ECM1: variants seen among roughly 807,000 people sequenced by gnomAD.
ECM1 encodes extracellular matrix protein 1.
ECM1 carries 54 observed loss-of-function variants against 57.9 expected under a neutral mutation model. That is an observed-to-expected ratio of 0.93 (90% CI 0.75 to 1.17). The LOEUF is 1.17. Ranked by LOEUF, ECM1 falls within the 50% of genes most tolerant of loss-of-function variation. The pLI is 0.00. For synonymous variants in ECM1, 237 were observed against 259.1 expected (o/e 0.91, Z 0.82); for missense variants, 649 against 688.1 (o/e 0.94, Z 0.64).
At position 150,508,153 on chromosome 1, in the gene ECM1, A is replaced by C; in HGVS notation, c.-57A>C. On this transcript the variant is annotated 5_prime_UTR_variant, in exon 1 of 10. Transcript: ENST00000369047. The stretch of plus-strand genomic sequence containing the variant: ...CAAGCTTCAGTGGCCGGCCCTTCAC[A>C]TCCAGACTTGCCTGAGAGGACCCAC... 1 of 1,568,386 alleles carries C rather than the reference A, an allele frequency of 6.4e-7. No individual in the cohort carries two copies. Among genetic ancestry groups the C allele is most frequent in the South Asian group, 1.1e-5 (1 of 90,150 alleles).
Position 150,508,294 on chromosome 1 carries a change from C to A in ECM1, c.70+15C>A. On this transcript the variant is annotated intron_variant, in intron 1 of 9. Coordinates refer to ENST00000369047, the MANE Select transcript of ECM1 (RefSeq NM_004425.4). Reference sequence around the variant, plus strand: ...CTCTGAGGGAGGTGAGTTGGGGGATCAGCACTTAGGAGGGGGTCTGGGCTT... The same window carrying A: ...CTCTGAGGGAGGTGAGTTGGGGGATAAGCACTTAGGAGGGGGTCTGGGCTT... 1.2e-6 allele frequency: 2 copies of A among 1,612,798 alleles called. No individual in the cohort carries two copies. Among genetic ancestry groups the A allele is most frequent in the South Asian group, 1.1e-5 (1 of 91,064 alleles).
At position 150,508,134 on chromosome 1, in the gene ECM1, T is replaced by C; in HGVS notation, c.-76T>C. On this transcript the variant is annotated 5_prime_UTR_variant, in exon 1 of 10. Transcript: ENST00000369047. ...AACCGTAACAGCCACCAGACAAGCT[T>C]CAGTGGCCGGCCCTTCACATCCAGA... The C allele has an allele frequency of 7.2e-7, 1 of 1,387,142 alleles. No homozygotes were observed. Among genetic ancestry groups the C allele is most frequent in the Non-Finnish European group, 1.0e-6 (1 of 974,732 alleles). The allele number at this position is 1,387,142 out of a possible 1,614,324, so 85.9% of individuals were successfully genotyped here. A position where few individuals can be genotyped will look rare whatever the true frequency, so the allele number is the denominator to read the frequency against.
intron 6 of ECM1, 118 bp from the exon 7 acceptor site, chr1:150,511,339 C>A: frequency 6.3e-7 from 1 of 1,592,706 alleles, no homozygotes. Context: ...CCCAATGTGC[C>A]AGGGGAGCAG....
intron 6 of ECM1, 96 bp downstream of exon 6, chr1:150,511,294 C>T: frequency 1.3e-6 from 2 of 1,591,196 alleles, no homozygotes; most frequent in Admixed American, 1.7e-5. Context: ...CTGGAGGAAC[C>T]TCAGGTCCCG....
Position 150,510,955 on chromosome 1 carries a change from G to A in ECM1, c.465G>A (p.Arg155=). 1 of 1,614,168 alleles carries A rather than the reference G, an allele frequency of 6.2e-7. No individual in the cohort carries two copies. Among genetic ancestry groups the A allele is most frequent in the Non-Finnish European group, 8.5e-7 (1 of 1,180,026 alleles). The change falls in exon 6 of 10, where the codon CGG becomes CGA. Residue 155 remains arginine (R), a synonymous_variant. Coordinates refer to ENST00000369047, the MANE Select transcript of ECM1 (RefSeq NM_004425.4). ...WNAAQHCQQD[R]SQGGWGHRLD... is the part of the protein sequence containing the mutation. ...CAGCCCAGCACTGCCAACAGGACCG[G>A]TCCCAAGGGGGCTGGGGCCACCGGC...
chr1:150,510,408 T>TG (rs1349139823), intron 5 of ECM1: 2 of 607,084 alleles, frequency 3.3e-6, no homozygotes. Context: ...TATTTTCACT[T>TG]GCTTCTCTGC....
intron 1 of ECM1, 108 bp from the exon 2 acceptor site, chr1:150,509,423 G>A (rs1212217275): frequency 8.1e-7 from 1 of 1,231,644 alleles, no homozygotes; most frequent in Non-Finnish European, 1.2e-6. Flanking sequence ...GGCATCTCGT[G>A]TCTTGCTTGT....
Position 150,508,228 on chromosome 1 carries a change from G to C in ECM1, c.19G>C (p.Ala7Pro). ...CCCCAGGATGGGGACCACAGCCAGA[G>C]CAGCCTTGGTCTTGACCTATTTGGC... is the stretch of plus-strand genomic sequence containing the variant. MGTTAR[A>P]ALVLTYLAVA... Residue 7 changes from alanine (A) to proline (P), a missense_variant, in exon 1 of 10, where the codon GCA becomes CCA. Coordinates refer to ENST00000369047, the MANE Select transcript of ECM1 (RefSeq NM_004425.4). 1 of 1,614,124 alleles carries C rather than the reference G, an allele frequency of 6.2e-7. No individual in the cohort carries two copies. The highest frequency in any genetic ancestry group is 1.6e-4 in the Middle Eastern group (1 of 6,062).
chr1:150,512,462 T>C lies in ECM1; in HGVS notation c.1194T>C (p.Arg398=). ...PSPTRDECFA[R]RAPYPNYDRD... ...CTACTCGGGATGAGTGCTTTGCCCG[T>C]CGGGCTCCTTACCCCAACTATGACC... Residue 398 remains arginine (R), a synonymous_variant, in exon 8 of 10, where the codon CGT becomes CGC. Coordinates refer to ENST00000369047, the MANE Select transcript of ECM1 (RefSeq NM_004425.4). 1.2e-6 allele frequency: 2 copies of C among 1,613,780 alleles called. No homozygotes were observed. The highest frequency in any genetic ancestry group is 1.7e-6 in the Non-Finnish European group (2 of 1,180,000).
intron 1 of ECM1, 127 bp downstream of exon 1, chr1:150,508,406 C>A (rs1670334279): frequency 1.0e-6 from 1 of 976,590 alleles, no homozygotes; most frequent in Non-Finnish European, 1.6e-6. Flanking sequence ...TCTGAGCAGG[C>A]CCAAAGTGGG....
At chr1:150,513,080 T>C (rs1670487293) in intron 9 of ECM1, among the ~76,000 whole-genome samples, 157 bp from the exon 10 acceptor site, 2 of 152,192 alleles carry the variant, frequency 1.3e-5, no homozygotes, top group Non-Finnish European at 2.9e-5. Flanking sequence ...AATCCAGCTG[T>C]GCAAGGCAGT....
Position 150,512,481 on chromosome 1 carries a change from T to C in ECM1, c.1213T>C (p.Tyr405His), listed in dbSNP as rs1453167375. Residue 405 changes from tyrosine to histidine, a missense_variant, in exon 8 of 10, where the codon TAT becomes CAT. Coordinates refer to ENST00000369047, the MANE Select transcript of ECM1 (RefSeq NM_004425.4). ...CFARRAPYPNYDRDILTIDIG... is the reference protein window; with the variant it reads ...CFARRAPYPNHDRDILTIDIG... ...TGCCCGTCGGGCTCCTTACCCCAAC[T>C]ATGACCGGGACATCTTGACCATTGA... 6.2e-7 allele frequency: 1 copy of C among 1,613,694 alleles called. No individual in the cohort carries two copies. The highest frequency in any genetic ancestry group is 1.7e-5 in the Admixed American group (1 of 59,920).
At position 150,509,513 on chromosome 1, in the gene ECM1, T is replaced by C. The variant is rs1399354650; in HGVS notation, c.71-18T>C. ...AAGGCCCTCCCAGTGGCCCCTGACT[T>C]GCCCTTCTTCCCTCCAGGCTTCACG... On this transcript the variant is annotated intron_variant, in intron 1 of 9. Coordinates refer to ENST00000369047, the MANE Select transcript of ECM1 (RefSeq NM_004425.4). The C allele has an allele frequency of 2.5e-6, 4 of 1,613,996 alleles. No homozygotes were observed. The East Asian group carries it at 8.9e-5, about 36-fold the overall frequency.
chr1:150,513,345 A>C lies in ECM1; in HGVS notation c.1501A>C (p.Ile501Leu), dbSNP rs901012547. ...PGDEQVNCFN[I>L]NYLRNVALVS... The stretch of plus-strand genomic sequence containing the variant: ...GGATGAACAGGTCAACTGCTTCAAC[A>C]TCAATTATCTGAGGAACGTGGCTCT... Residue 501 changes from isoleucine to leucine, a missense_variant, in exon 10 of 10, where the codon ATC becomes CTC. Transcript: ENST00000369047. The C allele has an allele frequency of 3.1e-6, 5 of 1,614,100 alleles. No individual in the cohort carries two copies. The highest frequency in any genetic ancestry group is 1.3e-5 in the African/African-American group (1 of 74,934).
In ECM1 at chr1:150,511,715, C is replaced by G; in HGVS notation, c.967C>G (p.Arg323Gly). Residue 323 changes from arginine (R) to glycine (G), a missense_variant, in exon 7 of 10, where the codon CGC becomes GGC. Arg to Gly is a moderately radical substitution (Grantham distance 125). Transcript: ENST00000369047. ...CHLRRFRSVPRNLPATDPLQR... is the reference protein window; with the variant it reads ...CHLRRFRSVPGNLPATDPLQR... ...CCTGAGGCGCTTCCGCTCTGTGCCA[C>G]GCAACCTGCCAGCTACTGACCCCCT... The G allele has an allele frequency of 6.2e-7, 1 of 1,614,136 alleles. No homozygotes were observed. The highest frequency in any genetic ancestry group is 8.5e-7 in the Non-Finnish European group (1 of 1,180,016).
At chr1:150,512,625 G>A in intron 8 of ECM1, 53 bp downstream of exon 8, 2 of 1,612,688 alleles carry the variant, frequency 1.2e-6, no homozygotes, top group Middle Eastern at 1.6e-4. Flanking sequence ...ACTTCCTTTT[G>A]GGACACCTTT....
In ECM1 at chr1:150,509,515, C is replaced by A. The variant is rs1322775109; in HGVS notation, c.71-16C>A. On this transcript the variant is annotated splice_polypyrimidine_tract_variant and intron_variant, in intron 1 of 9. Transcript: ENST00000369047. ...GGCCCTCCCAGTGGCCCCTGACTTG[C>A]CCTTCTTCCCTCCAGGCTTCACGGC... is the stretch of plus-strand genomic sequence containing the variant. The A allele has an allele frequency of 1.1e-5, 17 of 1,614,018 alleles. No individual in the cohort carries two copies. Among genetic ancestry groups the A allele is most frequent in the Non-Finnish European group, 8.5e-6 (10 of 1,180,038 alleles).
chr1:150,509,420 C>T lies in ECM1; in HGVS notation c.71-111C>T, dbSNP rs116804526. ...GGCAGGTGAATACAGAGGGGCATCT[C>T]GTGTCTTGCTTGTCTGTCCTACACT... is the stretch of plus-strand genomic sequence containing the variant. On this transcript the variant is annotated intron_variant, in intron 1 of 9. Coordinates refer to ENST00000369047, the MANE Select transcript of ECM1 (RefSeq NM_004425.4). The T allele has an allele frequency of 0.024, 28,257 of 1,178,012 alleles. 439 individuals are homozygous for T. The highest frequency in any genetic ancestry group is 0.059 in the African/African-American group (3,893 of 66,348). 73.0% of individuals were successfully genotyped at this position (1,178,012 alleles called of 1,614,324 possible).
In ECM1 at chr1:150,508,281, T is replaced by C; in HGVS notation, c.70+2T>C. ...TTGCTTCTGCTGCCTCTGAGGGAGG[T>C]GAGTTGGGGGATCAGCACTTAGGAG... On this transcript the variant is annotated splice_donor_variant, in intron 1 of 9. Coordinates refer to ENST00000369047, the MANE Select transcript of ECM1 (RefSeq NM_004425.4). LOFTEE classifies it high-confidence loss of function. 1.9e-6 allele frequency: 3 copies of C among 1,613,216 alleles called. No individual in the cohort carries two copies. The highest frequency in any genetic ancestry group is 2.2e-5 in the East Asian group (1 of 44,848).
Sources: allele counts gnomAD v4.1 joint callset (sites outside exome capture counted in the v4.1 genomes callset), GRCh38; gene constraint gnomAD v4.1.1; transcripts MANE v1.5; gene names NCBI Gene and HGNC (gene_info 2026-07-23, HGNC 2026-07-21).